Variants in VPS11 observed in about 807,000 individuals in gnomAD.
VPS11 encodes the protein VPS11 core subunit of CORVET and HOPS complexes.
A neutral mutation model predicts 106.8 loss-of-function variants in VPS11; 51 were observed. That is an observed-to-expected ratio of 0.48 (90% CI 0.38 to 0.60). The LOEUF is 0.60. Ranked by LOEUF, VPS11 falls within the 20% of genes least tolerant of loss-of-function variation. The probability of loss-of-function intolerance (pLI) is 0.00; values close to 1 mark genes in which losing one functional copy is unlikely to be tolerated. For synonymous variants in VPS11, 453 were observed against 458.7 expected (o/e 0.99, Z 0.16); for missense variants, 950 against 1,190.0 (o/e 0.80, Z 2.97).
Position 119,078,661 on chromosome 11 carries a change from GA to G in VPS11, c.2021del (p.Asp674AlafsTer82), listed in dbSNP as rs1223678365. 3.1e-6 allele frequency: 5 copies of G among 1,613,482 alleles called. No individual in the cohort carries two copies. The highest frequency in any genetic ancestry group is 4.2e-6 in the Non-Finnish European group (5 of 1,179,560). ...GGCCCTGGTCCTGTGCCAGATGCAC[GA>G]CTTCCAGGATGGTGTCCTTTACCTT... Reference protein sequence around the residue: ...DKALVLCQMHDFQDGVLYLYE... With the variant: ...DKALVLCQMHXFQDGVLYLYE... On this transcript the variant is annotated frameshift_variant, in exon 12 of 16. Transcript: ENST00000621676. LOFTEE classifies it high-confidence loss of function.
rs1464183288 is a variant in VPS11, at chr11:119,068,831, A to G, written c.188-365A>G. On this transcript the variant is annotated intron_variant, in intron 1 of 15. Coordinates refer to ENST00000621676, the MANE Select transcript of VPS11 (RefSeq NM_021729.6). ...CAATGGCATGATCTGGGCACACTGCAACCTCCGCCTCCCGGGTTCAAGCAA... is the reference window on the plus strand; with the variant it reads ...CAATGGCATGATCTGGGCACACTGCGACCTCCGCCTCCCGGGTTCAAGCAA... Among the ~76,000 whole-genome samples the G allele has an allele frequency of 2.6e-5, 4 of 151,830 alleles. No homozygotes were observed. The East Asian group carries it at 7.8e-4, about 29-fold the overall frequency.
At chr11:119,078,401 G>T in intron 11 of VPS11, 67 bp downstream of exon 11, 3 of 1,587,346 alleles carry the variant, frequency 1.9e-6, no homozygotes, top group Non-Finnish European at 2.6e-6. Flanking sequence ...CGTCTTGGTG[G>T]CTGCCTTTCA....
intron 6 of VPS11, 95 bp from the exon 7 acceptor site, chr11:119,073,705 C>T: frequency 7.3e-7 from 1 of 1,373,940 alleles, no homozygotes; most frequent in South Asian, 1.3e-5. Flanking sequence ...GATCAGAAAT[C>T]CAGGACTTTC....
Position 119,081,628 on chromosome 11 carries a change from C to T in VPS11, c.*5C>T. ...CACTCCAGGAGGGGCACTTAAGCAGCCTGGAGGAAGATGTGGGCAACAGTG... is the reference window on the plus strand; with the variant it reads ...CACTCCAGGAGGGGCACTTAAGCAGTCTGGAGGAAGATGTGGGCAACAGTG... On this transcript the variant is annotated 3_prime_UTR_variant, in exon 16 of 16. Transcript: ENST00000621676. The T allele has an allele frequency of 6.2e-7, 1 of 1,613,456 alleles. No homozygotes were observed. The highest frequency in any genetic ancestry group is 8.5e-7 in the Non-Finnish European group (1 of 1,179,624).
intron 6 of VPS11, 148 bp downstream of exon 6, chr11:119,073,547 G>A: frequency 9.4e-7 from 1 of 1,068,924 alleles, no homozygotes; most frequent in Non-Finnish European, 1.3e-6. Context: ...TAAGGTAAAT[G>A]GCCTGGGATG....
At chr11:119,069,025 GC>G (rs1317742383) in intron 1 of VPS11, 170 bp from the exon 2 acceptor site, 1 of 91,084 alleles carries the variant, frequency 1.1e-5, no homozygotes, top group African/African-American at 4.9e-5. Context: ...CTCCCAAAGT[GC>G]TGGGATTACA....
chr11:119,069,206 C>A lies in VPS11; in HGVS notation c.198C>A (p.Gly66=), dbSNP rs988415013. 6.2e-7 allele frequency: 1 copy of A among 1,613,806 alleles called. No individual in the cohort carries two copies. Among genetic ancestry groups the A allele is most frequent in the Admixed American group, 1.7e-5 (1 of 59,986 alleles). Residue 66 remains glycine, a synonymous_variant, in exon 2 of 16, where the codon GGC becomes GGA. Transcript: ENST00000621676. ...TTGACTACCCTGCACATATGGAAGG[C>A]CAGATCTGGTTCTTGCCACGTTCCC... ...RGSLVFGDME[G]QIWFLPRSLQ...
At position 119,081,676 on chromosome 11, in the gene VPS11, A is replaced by G. The variant is rs912665665; in HGVS notation, c.*53A>G. ...GTGGAGGACCAAGAGAACAGACACA[A>G]TGGGACCTGGGCGGGCGTTACACAG... On this transcript the variant is annotated 3_prime_UTR_variant, in exon 16 of 16. Coordinates refer to ENST00000621676, the MANE Select transcript of VPS11 (RefSeq NM_021729.6). 8.1e-6 allele frequency: 13 copies of G among 1,597,112 alleles called. No individual in the cohort carries two copies. Among genetic ancestry groups the G allele is most frequent in the Middle Eastern group, 1.7e-4 (1 of 5,808 alleles).
rs1945208004 is a variant in VPS11 at position 119,068,443 on chromosome 11, C to CTTTTTTTTTT, written c.187+433_187+434insTTTTTTTTTT. Among the ~76,000 whole-genome samples the CTTTTTTTTTT allele has an allele frequency of 3.9e-4, 14 of 35,810 alleles. 3 individuals carry two copies. Among genetic ancestry groups the CTTTTTTTTTT allele is most frequent in the Admixed American group, 8.4e-4 (2 of 2,384 alleles). The allele number at this position is 35,810 out of a possible 152,430, so 23.5% of individuals were successfully genotyped here. On this transcript the variant is annotated intron_variant, in intron 1 of 15. Transcript: ENST00000621676. ...CTGCTACTAAATTCTGGCCTTTTTA[C>CTTTTTTTTTT]CTTTTTTTTTTTTTTTTTTTTTTTG...
rs782049515 is a variant in VPS11, at chr11:119,073,925, C to T, written c.1212C>T (p.His404=). 6.2e-6 allele frequency: 10 copies of T among 1,613,154 alleles called. No homozygotes were observed. Among genetic ancestry groups the T allele is most frequent in the African/African-American group, 4.0e-5 (3 of 74,912 alleles). ...YGDHLYSKGN[H]DGAVQQYIRT... ...ACCATCTCTACAGCAAGGGCAACCA[C>T]GATGGGGCTGTCCAGCAATATATCC... is the stretch of plus-strand genomic sequence containing the variant. Residue 404 remains histidine, a synonymous_variant, in exon 7 of 16, where the codon CAC becomes CAT. Coordinates refer to ENST00000621676, the MANE Select transcript of VPS11 (RefSeq NM_021729.6).
At position 119,078,926 on chromosome 11, in the gene VPS11, A is replaced by G. The variant is rs1483361485; in HGVS notation, c.2195A>G (p.Glu732Gly). The stretch of plus-strand genomic sequence containing the variant: ...CTCAGCTACTTCGCTCGCAAGGAGG[A>G]GGACTGCAAGGAGTATGTGGCAGCT... ...QALSYFARKE[E>G]DCKEYVAAVL... is the part of the protein sequence containing the mutation. The change falls in exon 13 of 16, where the codon GAG becomes GGG. Residue 732 changes from glutamate (E) to glycine (G), a missense_variant. By Grantham distance (98) the Glu-to-Gly change is moderately conservative. Around this residue, in one of 3 missense-constraint regions of VPS11, gnomAD observed 453 missense variants for 514.6 expected, o/e 0.88. Transcript: ENST00000621676. The G allele has an allele frequency of 1.2e-6, 2 of 1,613,912 alleles. No homozygotes were observed. The highest frequency in any genetic ancestry group is 1.7e-6 in the Non-Finnish European group (2 of 1,179,918).
At chr11:119,068,693 G>A (rs1035733473) in intron 1 of VPS11, among the ~76,000 whole-genome samples, 41 of 150,502 alleles carry the variant, frequency 2.7e-4, no homozygotes, top group African/African-American at 6.8e-4. Context: ...TGATCCACCC[G>A]CCTCGGCCTC....
intron 1 of VPS11, 184 bp downstream of exon 1, chr11:119,068,194 C>T (rs1450814890): frequency 3.3e-6 from 2 of 600,578 alleles, no homozygotes; most frequent in South Asian, 3.2e-5. Context: ...ATCAACTGAG[C>T]AATCCTGGGC....
Position 119,078,407 on chromosome 11 carries a change from T to A in VPS11, c.1923+73T>A, listed in dbSNP as rs888625268. ...CCATTCTTCCGTCTTGGTGGCTGCC[T>A]TTCACTGCATTCCTTAGACCAGTAA... On this transcript the variant is annotated intron_variant, in intron 11 of 15. Coordinates refer to ENST00000621676, the MANE Select transcript of VPS11 (RefSeq NM_021729.6). 11 of 1,584,000 alleles carry A rather than the reference T, an allele frequency of 6.9e-6. No individual in the cohort carries two copies. In the African/African-American group the frequency reaches 1.5e-4, roughly 21 times the overall value.
chr11:119,073,191 T>C lies in VPS11; in HGVS notation c.885-7T>C, dbSNP rs1287910754. The C allele has an allele frequency of 6.2e-7, 1 of 1,610,022 alleles. No individual in the cohort carries two copies. Among genetic ancestry groups the C allele is most frequent in the Non-Finnish European group, 8.5e-7 (1 of 1,177,976 alleles). On this transcript the variant is annotated splice_region_variant and splice_polypyrimidine_tract_variant and intron_variant, in intron 5 of 15. Transcript: ENST00000621676. Reference sequence around the variant, plus strand: ...CAAACATCTGGTGCTTTTTCTTTCCTATGCAGGTCAGAGTTTACCAGCAGG... The same window carrying C: ...CAAACATCTGGTGCTTTTTCTTTCCCATGCAGGTCAGAGTTTACCAGCAGG...
chr11:119,067,869 G>A lies in VPS11; in HGVS notation c.46G>A (p.Glu16Lys). 11 of 1,572,416 alleles carry A rather than the reference G, an allele frequency of 7.0e-6. No homozygotes were observed. The highest frequency in any genetic ancestry group is 1.2e-5 in the South Asian group (1 of 86,198). ...GCGGCGCTTCGTTTTCTTCGACAAG[G>A]AGCTGGTGAAGGAGCCGCTGAGCAA... ...QWRRFVFFDK[E>K]LVKEPLSNDG... Residue 16 changes from glutamate to lysine, a missense_variant, in exon 1 of 16, where the codon GAG (glutamate) becomes AAG (lysine). Coordinates refer to ENST00000621676, the MANE Select transcript of VPS11 (RefSeq NM_021729.6).
At position 119,076,953 on chromosome 11, in the gene VPS11, G is replaced by A; in HGVS notation, c.1295G>A (p.Arg432His). Reference protein sequence around the residue: ...YVIRKFLDAQRIHNLTAYLQT... With the variant: ...YVIRKFLDAQHIHNLTAYLQT... ...ATCCGCAAGTTTCTGGATGCCCAGC[G>A]CATTCACAACCTGACTGCCTACCTG... The change falls in exon 8 of 16, where the codon CGC (arginine) becomes CAC (histidine). Residue 432 changes from arginine to histidine, a missense_variant. This residue lies in a region of VPS11 where 435 missense variants were observed against 630.2 expected (regional missense o/e 0.69). Transcript: ENST00000621676. 6.2e-7 allele frequency: 1 copy of A among 1,613,960 alleles called. No individual in the cohort carries two copies. The highest frequency in any genetic ancestry group is 8.5e-7 in the Non-Finnish European group (1 of 1,179,878).
At position 119,077,609 on chromosome 11, in the gene VPS11, C is replaced by T. The variant is rs1289197866; in HGVS notation, c.1534C>T (p.His512Tyr). Residue 512 changes from histidine to tyrosine, a missense_variant, in exon 9 of 16, where the codon CAT (histidine) becomes TAT (tyrosine). By Grantham distance (83) the His-to-Tyr change is moderately conservative. Coordinates refer to ENST00000621676, the MANE Select transcript of VPS11 (RefSeq NM_021729.6). Reference protein sequence around the residue: ...ALYLAENHAHHEWYLKIQLED... With the variant: ...ALYLAENHAHYEWYLKIQLED... ...GTATCTGGCGGAGAACCATGCACAT[C>T]ATGAGTGGTACCTGAAGATCCAGCT... The T allele has an allele frequency of 6.2e-7, 1 of 1,611,956 alleles. No individual in the cohort carries two copies. The highest frequency in any genetic ancestry group is 1.1e-5 in the South Asian group (1 of 90,794).
rs528675586 is a variant in VPS11 at position 119,078,013 on chromosome 11, G to A, written c.1708G>A (p.Asp570Asn). 3 of 1,613,462 alleles carry A rather than the reference G, an allele frequency of 1.9e-6. No homozygotes were observed. The East Asian group carries it at 6.7e-5, about 36-fold the overall frequency. Residue 570 changes from aspartate (D) to asparagine (N), a missense_variant, in exon 10 of 16, where the codon GAT becomes AAT. Asp to Asn is a conservative substitution (Grantham distance 23). Transcript: ENST00000621676. The stretch of plus-strand genomic sequence containing the variant: ...TCAGTTGCTGAAGGGACTTTGTACT[G>A]ATTATCGGCCCAGCCTCGAAGGCCG... ...TTQLLKGLCT[D>N]YRPSLEGRSD...
Sources: gnomAD v4.1 joint callset for allele counts (sites outside exome capture counted in the v4.1 genomes callset) on GRCh38, gnomAD v4.1.1 for gene constraint, gnomAD v4.1.1 regional missense constraint, MANE v1.5 for transcripts, NCBI Gene and HGNC (gene_info 2026-07-23, HGNC 2026-07-21) for gene names.